Variants in PDE4D observed in about 807,000 individuals in gnomAD.
The protein encoded by PDE4D is phosphodiesterase 4D.
Under a neutral mutation model 87.4 loss-of-function variants are expected in PDE4D, and 24 were observed. The observed-to-expected ratio is 0.27, with a 90% confidence interval of 0.20 to 0.39. The LOEUF is 0.39. Ranked by LOEUF, PDE4D falls within the 10% of genes least tolerant of loss-of-function variation. PDE4D has a pLI of 1.00. For missense variants in PDE4D, 714 were observed against 1,041.0 expected (o/e 0.69, Z 4.32); for synonymous variants, 384 against 383.2 (o/e 1.00, Z -0.02).
At chr5:60,151,631 TC>T (rs1781514128) in intron 2 of PDE4D, among the ~76,000 whole-genome samples, 1 of 152,218 alleles carries the variant, frequency 6.6e-6, no homozygotes, top group Non-Finnish European at 1.5e-5. Flanking sequence ...TTTGCTTGTT[TC>T]AACAGATTTT....
intron 5 of PDE4D, among the ~76,000 whole-genome samples, chr5:59,090,568 T>C (rs1768520455): frequency 6.6e-6 from 1 of 152,064 alleles, no homozygotes; most frequent in Admixed American, 6.6e-5. Flanking sequence ...AGAAACGCTA[T>C]CATCATCTCT....
intron 2 of PDE4D, among the ~76,000 whole-genome samples, chr5:60,155,141 G>A (rs1223082179): frequency 1.3e-5 from 2 of 152,212 alleles, no homozygotes; most frequent in Admixed American, 1.3e-4. Flanking sequence ...CATAGGTTAT[G>A]CATTTGTTCA....
intron 4 of PDE4D, among the ~76,000 whole-genome samples, chr5:59,181,386 T>C (rs1268229614): frequency 1.3e-5 from 2 of 151,746 alleles, no homozygotes; most frequent in Admixed American, 6.6e-5. Context: ...GCATCCAGTA[T>C]TCCGTCAGTG....
At chr5:60,206,516 C>T (rs1401886665) in intron 1 of PDE4D, among the ~76,000 whole-genome samples, 1 of 152,154 alleles carries the variant, frequency 6.6e-6, no homozygotes, top group Non-Finnish European at 1.5e-5. Context: ...TATACTACAC[C>T]TTTCATCTAA....
At chr5:59,188,551 TAA>T (rs971101748) in intron 3 of PDE4D, among the ~76,000 whole-genome samples, 1 of 150,620 alleles carries the variant, frequency 6.6e-6, no homozygotes. Context: ...CATCATAGCC[TAA>T]AAAAAAAGAG....
intron 1 of PDE4D, among the ~76,000 whole-genome samples, chr5:60,230,420 G>A (rs1460090263): frequency 6.6e-6 from 1 of 152,074 alleles, no homozygotes; most frequent in East Asian, 1.9e-4. Flanking sequence ...TTGCAAAGTG[G>A]AAACTTATTC....
intron 2 of PDE4D, among the ~76,000 whole-genome samples, chr5:60,068,238 GTTTTT>G (rs920570077): frequency 1.3e-5 from 2 of 151,702 alleles, no homozygotes; most frequent in African/African-American, 2.4e-5. Context: ...GCTATTTTCT[GTTTTT>G]TTTAACAGTA....
chr5:59,940,241 G>C (rs1011652152), intron 3 of PDE4D, among the ~76,000 whole-genome samples: 11 of 152,142 alleles, frequency 7.2e-5, no homozygotes, highest in Non-Finnish European at 1.5e-4. Flanking sequence ...AGGAGTTTCG[G>C]TTTCTTTCCT....
intron 2 of PDE4D, among the ~76,000 whole-genome samples, chr5:60,028,683 T>C (rs1211710059): frequency 6.6e-6 from 1 of 152,234 alleles, no homozygotes; most frequent in Non-Finnish European, 1.5e-5. Context: ...TTTCCTCCTA[T>C]AGTTCTTTGC....
chr5:59,326,872 ATT>A, intron 1 of PDE4D, among the ~76,000 whole-genome samples: 1 of 152,162 alleles, frequency 6.6e-6, no homozygotes, highest in South Asian at 2.1e-4. Flanking sequence ...ATTCGCATAT[ATT>A]TAATGACTTC....
chr5:59,944,429 G>C (rs1757516885), intron 3 of PDE4D, among the ~76,000 whole-genome samples: 1 of 152,224 alleles, frequency 6.6e-6, no homozygotes, highest in East Asian at 1.9e-4. Flanking sequence ...CTGTAGTGCA[G>C]TGGCGCCATC....
rs115907328 is a variant in PDE4D at position 59,420,067 on chromosome 5, A to C, written c.456-204099T>G. 1.0e-2 allele frequency among the ~76,000 whole-genome samples: 1,519 copies of C among 152,194 alleles called. 30 individuals carry two copies. Among genetic ancestry groups the C allele is most frequent in the African/African-American group, 0.035 (1,456 of 41,518 alleles). On this transcript the variant is annotated intron_variant, in intron 1 of 14. Coordinates refer to ENST00000340635, the MANE Select transcript of PDE4D (RefSeq NM_001104631.2). ...GGAATTTTTATATCTCCCTTGCTCT[A>C]TCTCTCCCATTTTACTTAGCACGTG...
intron 1 of PDE4D, among the ~76,000 whole-genome samples, chr5:60,495,798 A>C (rs1376393553): frequency 6.6e-6 from 1 of 152,244 alleles, no homozygotes; most frequent in African/African-American, 2.4e-5. Flanking sequence ...ATTATCCCCT[A>C]TTCCACAGTT....
At chr5:60,341,292 G>C (rs976873841) in intron 1 of PDE4D, among the ~76,000 whole-genome samples, 1 of 152,154 alleles carries the variant, frequency 6.6e-6, no homozygotes, top group African/African-American at 2.4e-5. Flanking sequence ...ACAGAGCCCA[G>C]GCAGGCATCC....
intron 1 of PDE4D, among the ~76,000 whole-genome samples, chr5:59,365,854 C>G (rs1335726800): frequency 6.6e-6 from 1 of 152,036 alleles, no homozygotes; most frequent in Non-Finnish European, 1.5e-5. Flanking sequence ...AACTGACAAA[C>G]GGTCCCTTTG....
At chr5:59,073,332 G>A (rs193219504) in intron 5 of PDE4D, among the ~76,000 whole-genome samples, 11 of 152,236 alleles carry the variant, frequency 7.2e-5, no homozygotes, top group Non-Finnish European at 1.5e-4. Context: ...AGACATTTGA[G>A]GTGGTTCTTG....
intron 1 of PDE4D, among the ~76,000 whole-genome samples, chr5:60,204,315 T>G (rs1742265663): frequency 6.6e-6 from 1 of 152,208 alleles, no homozygotes; most frequent in Non-Finnish European, 1.5e-5. Flanking sequence ...TATCTATCTA[T>G]TCTTCTTTTC....
chr5:59,399,918 C>T lies in PDE4D; in HGVS notation c.456-183950G>A, dbSNP rs1235988864. Among the ~76,000 whole-genome samples the T allele has an allele frequency of 1.6e-4, 18 of 112,712 alleles. 2 individuals carry two copies. The highest frequency in any genetic ancestry group is 5.6e-4 in the East Asian group (2 of 3,548). The allele number at this position is 112,712 out of a possible 152,430, so 73.9% of individuals were successfully genotyped here. ...ACAAATAACCCCATCAAAAAGTGGG[C>T]GAAGGACATGAACAGACACTTCTCA... On this transcript the variant is annotated intron_variant, in intron 1 of 14. Coordinates refer to ENST00000340635, the MANE Select transcript of PDE4D (RefSeq NM_001104631.2).
chr5:59,601,686 C>T (rs898256055), intron 1 of PDE4D, among the ~76,000 whole-genome samples: 1 of 152,048 alleles, frequency 6.6e-6, no homozygotes, highest in Non-Finnish European at 1.5e-5. Flanking sequence ...ATTACTTTAA[C>T]CTTCTTATCA....
Sources: allele counts gnomAD v4.1 joint callset (sites outside exome capture counted in the v4.1 genomes callset), GRCh38; gene constraint gnomAD v4.1.1; transcripts MANE v1.5; gene names NCBI Gene and HGNC (gene_info 2026-07-23, HGNC 2026-07-21).